The following USP13 variants were observed in gnomAD, a reference collection of about 807,000 sequenced individuals.
USP13 encodes ubiquitin specific peptidase 13, also known as ubiquitin carboxyl-terminal hydrolase 13.
A neutral mutation model predicts 107.8 loss-of-function variants in USP13; 68 were observed. That is an observed-to-expected ratio of 0.63 (90% CI 0.52 to 0.77). The LOEUF (loss-of-function observed/expected upper bound fraction) is 0.77, where lower values mean the gene tolerates loss of function less well. Among genes scored for constraint, USP13 ranks in the 30% least tolerant of loss-of-function variants. The pLI is 0.00. For missense variants in USP13, 945 were observed against 1,093.3 expected, an observed-to-expected ratio of 0.86 and a Z score of 1.91; for synonymous variants, 377 against 389.5, an observed-to-expected ratio of 0.97 and a Z score of 0.38.
chr3:179,692,806 G>T (rs912201402), intron 3 of USP13, among the ~76,000 whole-genome samples: 18 of 152,034 alleles, frequency 1.2e-4, no homozygotes, highest in African/African-American at 3.9e-4. Flanking sequence ...GATTATTTTG[G>T]TTGTAGAGGA....
rs547149469 is a variant in USP13, at chr3:179,752,917, A to G, written c.1798+544A>G. 2.6e-3 allele frequency among the ~76,000 whole-genome samples: 396 copies of G among 152,366 alleles called. 2 individuals carry two copies. The highest frequency in any genetic ancestry group is 5.1e-3 in the Non-Finnish European group (347 of 68,030). On this transcript the variant is annotated intron_variant, in intron 14 of 20. Coordinates refer to ENST00000263966, the MANE Select transcript of USP13 (RefSeq NM_003940.3). ...AAAAAAGCCAGTTGCATTAGACAGT[A>G]AAACAAAAGGATGTGATTTTGGCTT...
intron 3 of USP13, among the ~76,000 whole-genome samples, chr3:179,694,799 C>CAAAAAAAAA (rs576517737): frequency 2.4e-5 from 2 of 82,168 alleles, no homozygotes; most frequent in Admixed American, 1.2e-4. Flanking sequence ...AACTCCATCT[C>CAAAAAAAAA]AAAAAAAAAA....
chr3:179,721,735 G>T lies in USP13; in HGVS notation c.1088+146G>T, dbSNP rs1240880224. The T allele has an allele frequency of 5.9e-6, 5 of 845,546 alleles. No homozygotes were observed. The highest frequency in any genetic ancestry group is 8.9e-6 in the Non-Finnish European group (5 of 560,248). 52.4% of individuals were successfully genotyped at this position (845,546 alleles called of 1,614,324 possible). Reference sequence around the variant, plus strand: ...TCTGGCCTGCCTTCTACAGAGACTGGGTGAGAACACTTGTCAAGTATTATG... The same window carrying T: ...TCTGGCCTGCCTTCTACAGAGACTGTGTGAGAACACTTGTCAAGTATTATG... On this transcript the variant is annotated intron_variant, in intron 8 of 20. Transcript: ENST00000263966. The surrounding 1 kb of genome is among the most constrained non-coding windows in gnomAD (Gnocchi z 4.3).
At chr3:179,739,678 C>T (rs562724581) in intron 10 of USP13, among the ~76,000 whole-genome samples, 57 of 152,196 alleles carry the variant, frequency 3.7e-4, no homozygotes, top group African/African-American at 1.3e-3. Context: ...CTGCCTCAGT[C>T]TCCTGAGTAG....
At chr3:179,781,172 C>T (rs1475473632) in intron 19 of USP13, among the ~76,000 whole-genome samples, 1 of 152,160 alleles carries the variant, frequency 6.6e-6, no homozygotes, top group African/African-American at 2.4e-5. Context: ...GAAGTTTGGT[C>T]CCACCTACGT....
intron 6 of USP13, among the ~76,000 whole-genome samples, chr3:179,718,412 C>A (rs1469783600): frequency 4.6e-5 from 7 of 152,004 alleles, no homozygotes; most frequent in Admixed American, 4.6e-4. Context: ...CTGCCTTGGT[C>A]TCCCGGAGTG....
intron 1 of USP13, among the ~76,000 whole-genome samples, chr3:179,657,550 C>G (rs1257706676): frequency 6.6e-6 from 1 of 151,842 alleles, no homozygotes; most frequent in Non-Finnish European, 1.5e-5. Flanking sequence ...ATCACAACAT[C>G]AAGAGATCGA....
intron 4 of USP13, among the ~76,000 whole-genome samples, chr3:179,703,265 A>G (rs942019539): frequency 3.9e-5 from 6 of 152,110 alleles, no homozygotes; most frequent in Admixed American, 1.3e-4. Flanking sequence ...TAGTTACTAT[A>G]TTTTCTTTTC....
In USP13 at chr3:179,656,959, C is replaced by T. The variant is rs551833392; in HGVS notation, c.168+3566C>T. ...GTGAGGATAAAACATATGGGAAATA[C>T]TGAGAAAGGAATCATGGGGGATTAC... On this transcript the variant is annotated intron_variant, in intron 1 of 20. Coordinates refer to ENST00000263966, the MANE Select transcript of USP13 (RefSeq NM_003940.3). Among the ~76,000 whole-genome samples the T allele has an allele frequency of 3.3e-5, 5 of 152,206 alleles. No homozygotes were observed. The South Asian group carries it at 1.0e-3, about 32-fold the overall frequency.
intron 1 of USP13, among the ~76,000 whole-genome samples, chr3:179,660,415 T>C (rs1159570084): frequency 6.6e-6 from 1 of 152,258 alleles, no homozygotes; most frequent in Non-Finnish European, 1.5e-5. Flanking sequence ...TCATTTAGCA[T>C]AATGTTATCA....
At chr3:179,655,555 TTG>T (rs764366544) in intron 1 of USP13, among the ~76,000 whole-genome samples, 2 of 141,908 alleles carry the variant, frequency 1.4e-5, no homozygotes, top group Admixed American at 6.9e-5. Context: ...AAGGTTTTTT[TTG>T]TTTTGTTTTG....
intron 19 of USP13, among the ~76,000 whole-genome samples, chr3:179,767,434 T>G (rs1202143709): frequency 6.6e-6 from 1 of 151,612 alleles, no homozygotes; most frequent in African/African-American, 2.4e-5. Flanking sequence ...TTTGGTTTTT[T>G]TTTTTTTTGA....
rs977201984 is a variant in USP13 at position 179,706,643 on chromosome 3, C to T, written c.478-291C>T. Among the ~76,000 whole-genome samples the T allele has an allele frequency of 5.9e-5, 9 of 152,298 alleles. No individual in the cohort carries two copies. In the East Asian group the frequency reaches 1.7e-3, roughly 29 times the overall value. On this transcript the variant is annotated intron_variant, in intron 4 of 20. Coordinates refer to ENST00000263966, the MANE Select transcript of USP13 (RefSeq NM_003940.3). Reference sequence around the variant, plus strand: ...AATTGTTCACCTCCTACTTTTCACCCTGCTTGCTAAGTGGTAGGAATTGTT... The same window carrying T: ...AATTGTTCACCTCCTACTTTTCACCTTGCTTGCTAAGTGGTAGGAATTGTT...
At chr3:179,784,023 T>C (rs1287788121) in intron 20 of USP13, 25 bp from the exon 21 acceptor site, 1 of 1,591,218 alleles carries the variant, frequency 6.3e-7, no homozygotes, top group Non-Finnish European at 8.6e-7. Flanking sequence ...CTTAAATCCA[T>C]CAAATGCTTC....
At chr3:179,676,769 T>A (rs961207385) in intron 1 of USP13, among the ~76,000 whole-genome samples, 1 of 152,198 alleles carries the variant, frequency 6.6e-6, no homozygotes, top group Non-Finnish European at 1.5e-5. Flanking sequence ...TTTTAAGAAC[T>A]ACTGGTGAAT....
intron 4 of USP13, among the ~76,000 whole-genome samples, chr3:179,703,668 G>A (rs1712612514): frequency 6.6e-6 from 1 of 152,158 alleles, no homozygotes; most frequent in South Asian, 2.1e-4. Flanking sequence ...CTGATTTCAG[G>A]TTATCAATAT....
At chr3:179,756,823 G>T (rs1390128784) in intron 15 of USP13, among the ~76,000 whole-genome samples, 1 of 152,074 alleles carries the variant, frequency 6.6e-6, no homozygotes, top group Non-Finnish European at 1.5e-5. Flanking sequence ...AGTTTGTTAG[G>T]ATAATAATCA....
intron 13 of USP13, among the ~76,000 whole-genome samples, chr3:179,750,072 C>T (rs1384258709): frequency 2.0e-5 from 3 of 151,858 alleles, no homozygotes; most frequent in African/African-American, 7.3e-5. Flanking sequence ...TGAGACCAGC[C>T]TGGCCAACAT....
At chr3:179,688,769 G>C (rs548473775) in intron 2 of USP13, among the ~76,000 whole-genome samples, 1 of 152,292 alleles carries the variant, frequency 6.6e-6, no homozygotes, top group Non-Finnish European at 1.5e-5. Flanking sequence ...TCTGTAGAGA[G>C]ATTTCAGGGG....
Sources: allele counts gnomAD v4.1 joint callset (sites outside exome capture counted in the v4.1 genomes callset), GRCh38; gene constraint gnomAD v4.1.1; non-coding constraint Gnocchi (gnomAD v3.1); transcripts MANE v1.5; gene names NCBI Gene and HGNC (gene_info 2026-07-23, HGNC 2026-07-21).